ZHX1: variants seen among roughly 807,000 people sequenced by gnomAD.
ZHX1 encodes zinc fingers and homeoboxes 1, also known as zinc fingers and homeoboxes protein 1.
Under a neutral mutation model 61.8 loss-of-function variants are expected in ZHX1, and 20 were observed. The observed-to-expected ratio is 0.32, with a 90% CI of 0.23 to 0.47. The LOEUF is 0.47. ZHX1 is among the 20% of genes least tolerant of loss of function. The pLI, the probability that ZHX1 is intolerant of heterozygous loss-of-function variation, is 1.00. For synonymous variants in ZHX1, 318 were observed against 352.6 expected (o/e 0.90, Z 1.10); for missense variants, 800 against 1,034.8 (o/e 0.77, Z 3.11).
intron 2 of ZHX1, among the ~76,000 whole-genome samples, chr8:123,266,379 G>A (rs1476448388): frequency 6.6e-6 from 1 of 152,098 alleles, no homozygotes; most frequent in East Asian, 1.9e-4. Context: ...CCACTTCACT[G>A]AGGATATAAT....
intron 1 of ZHX1, among the ~76,000 whole-genome samples, chr8:123,268,105 C>T (rs1826523183): frequency 6.6e-6 from 1 of 151,980 alleles, no homozygotes; most frequent in Admixed American, 6.6e-5. Context: ...GTACATAAAC[C>T]TAGTGATATT....
chr8:123,251,558 C>A lies in ZHX1; in HGVS notation c.*4-1238G>T, dbSNP rs146790728. On this transcript the variant is annotated intron_variant, in intron 3 of 3. Transcript: ENST00000395571. ...TCACATTATTTTTGGAAGACTGCAA[C>A]TCCCCAAAAAAATCATTGCAGAGGT... Among the ~76,000 whole-genome samples the A allele has an allele frequency of 7.3e-3, 1,104 of 152,226 alleles. 8 individuals are homozygous for A. The highest frequency in any genetic ancestry group is 8.9e-3 in the Non-Finnish European group (605 of 68,026).
At position 123,254,892 on chromosome 8, in the gene ZHX1, C is replaced by T; in HGVS notation, c.1055G>A (p.Arg352Lys). 1 of 1,614,224 alleles carries T rather than the reference C, an allele frequency of 6.2e-7. No homozygotes were observed. Among genetic ancestry groups the T allele is most frequent in the Non-Finnish European group, 8.5e-7 (1 of 1,180,034 alleles). Residue 352 changes from arginine (R) to lysine (K), a missense_variant, in exon 3 of 4, where the codon AGA (arginine) becomes AAA (lysine). Arg to Lys is a conservative substitution (Grantham distance 26). Coordinates refer to ENST00000395571, the MANE Select transcript of ZHX1 (RefSeq NM_007222.5). The surrounding 1 kb of genome is among the most constrained non-coding windows in gnomAD (Gnocchi z 4.1). ...CACTGTTCCATTGAATTGTTTCCTT[C>T]TTGCCTCCTCTACTTCCTCGGGAGT... is the stretch of plus-strand genomic sequence containing the variant. ...SWTPEEVEEA[R>K]RKQFNGTVHT...
At position 123,254,028 on chromosome 8, in the gene ZHX1, G is replaced by A. The variant is rs754149126; in HGVS notation, c.1919C>T (p.Ser640Phe). ...MEIDESNAGS[S>F]KEEAGETSPA... ...AGAAGTTTCTCCAGCTTCTTCTTTG[G>A]AACTACCTGCATTACTTTCATCTAT... Residue 640 changes from serine to phenylalanine, a missense_variant, in exon 3 of 4, where the codon TCC becomes TTC. Transcript: ENST00000395571. This position sits in a 1 kb window ranked among gnomAD's most constrained non-coding sequence, Gnocchi z 4.1. The A allele has an allele frequency of 6.2e-7, 1 of 1,613,986 alleles. No homozygotes were observed.
At chr8:123,262,293 ATAATCT>A (rs1332306426) in intron 2 of ZHX1, among the ~76,000 whole-genome samples, 3 of 152,340 alleles carry the variant, frequency 2.0e-5, no homozygotes, top group East Asian at 3.9e-4. Flanking sequence ...ATTAAAATTG[ATAATCT>A]TAAGAGTAAT....
At chr8:123,273,699 C>CT (rs1826740274) in intron 1 of ZHX1, 1 of 152,682 alleles carries the variant, frequency 6.5e-6, no homozygotes, top group South Asian at 2.1e-4. Context: ...CTCAGGGAGA[C>CT]TGGGTCCCCC....
At chr8:123,253,232 A>T (rs1281655183) in intron 3 of ZHX1, 90 bp downstream of exon 3, 1 of 1,139,478 alleles carries the variant, frequency 8.8e-7, no homozygotes, top group Non-Finnish European at 1.2e-6. Context: ...GAAAATATCA[A>T]AAATGAAGAT....
intron 3 of ZHX1, among the ~76,000 whole-genome samples, chr8:123,251,597 T>A (rs993062553): frequency 6.6e-6 from 1 of 152,132 alleles, no homozygotes; most frequent in African/African-American, 2.4e-5. Context: ...AACAACAACA[T>A]TCACTGCAGC....
chr8:123,253,944 G>A lies in ZHX1; in HGVS notation c.2003C>T (p.Thr668Ile), dbSNP rs1422721247. 4 of 1,614,122 alleles carry A rather than the reference G, an allele frequency of 2.5e-6. No homozygotes were observed. Among genetic ancestry groups the A allele is most frequent in the Non-Finnish European group, 3.4e-6 (4 of 1,180,024 alleles). The change falls in exon 3 of 4, where the codon ACA (threonine) becomes ATA (isoleucine). Residue 668 changes from threonine (T) to isoleucine (I), a missense_variant. By Grantham distance (89) the Thr-to-Ile change is moderately conservative (BLOSUM62 -1). Coordinates refer to ENST00000395571, the MANE Select transcript of ZHX1 (RefSeq NM_007222.5). The part of the protein sequence containing the change: ...SGSTGKICKK[T>I]PEQLHMLKSA... ...CTTAAGCATGTGCAGCTGCTCAGGT[G>A]TTTTTTTACATATCTTGCCTGTACT...
chr8:123,273,480 C>G (rs1032941803), intron 1 of ZHX1, among the ~76,000 whole-genome samples: 17 of 152,178 alleles, frequency 1.1e-4, no homozygotes, highest in Admixed American at 3.3e-4. Context: ...TAATTAACTT[C>G]TCCCTAAATC....
intron 2 of ZHX1, among the ~76,000 whole-genome samples, chr8:123,263,738 G>A (rs560965938): frequency 1.4e-4 from 22 of 152,134 alleles, no homozygotes; most frequent in African/African-American, 5.3e-4. Flanking sequence ...GGAGACTGAG[G>A]CAGGAGAATC....
rs769191143 is a variant in ZHX1 at position 123,254,182 on chromosome 8, T to A, written c.1765A>T (p.Asn589Tyr). 4 of 1,614,188 alleles carry A rather than the reference T, an allele frequency of 2.5e-6. No homozygotes were observed. Among genetic ancestry groups the A allele is most frequent in the Non-Finnish European group, 2.5e-6 (3 of 1,180,016 alleles). ...TCTTCATCTGTAAGTACAGAGCTGTTGAGAAAACTTGCCTGAAGGACACGA... is the reference window on the plus strand; with the variant it reads ...TCTTCATCTGTAAGTACAGAGCTGTAGAGAAAACTTGCCTGAAGGACACGA... ...QLRVLQASFL[N>Y]SSVLTDEELN... The change falls in exon 3 of 4, where the codon AAC (asparagine) becomes TAC (tyrosine). Residue 589 changes from asparagine (N) to tyrosine (Y), a missense_variant. By Grantham distance (143) the Asn-to-Tyr change is moderately radical. Coordinates refer to ENST00000395571, the MANE Select transcript of ZHX1 (RefSeq NM_007222.5). This position sits in a 1 kb window ranked among gnomAD's most constrained non-coding sequence, Gnocchi z 4.1.
intron 2 of ZHX1, among the ~76,000 whole-genome samples, chr8:123,258,753 A>C (rs1826154501): frequency 6.6e-6 from 1 of 152,318 alleles, no homozygotes; most frequent in African/African-American, 2.4e-5. Flanking sequence ...ATCAAGAAAA[A>C]ATGAATTAGG....
intron 2 of ZHX1, among the ~76,000 whole-genome samples, chr8:123,260,315 C>T (rs1826207012): frequency 6.6e-6 from 1 of 151,966 alleles, no homozygotes. Flanking sequence ...TTGCTTAAAA[C>T]TTAAACATAT....
Position 123,271,175 on chromosome 8 carries a change from T to C in ZHX1, c.-340+3042A>G, listed in dbSNP as rs185542282. Reference sequence around the variant, plus strand: ...ACAATAAAATTTATCAATAATAGTATAGAAACATTGGCTCTTATTCTAAAG... The same window carrying C: ...ACAATAAAATTTATCAATAATAGTACAGAAACATTGGCTCTTATTCTAAAG... On this transcript the variant is annotated intron_variant, in intron 1 of 3. Transcript: ENST00000395571. Among the ~76,000 whole-genome samples the C allele has an allele frequency of 3.9e-3, 599 of 152,308 alleles. 1 individual carries two copies. The highest frequency in any genetic ancestry group is 0.01 in the Middle Eastern group (3 of 294).
At chr8:123,252,568 A>C (rs188164795) in intron 3 of ZHX1, 2 of 152,336 alleles carry the variant, frequency 1.3e-5, no homozygotes, top group African/African-American at 4.8e-5. Context: ...GTTTATATCA[A>C]ATCTGTTATT....
rs914636574 is a variant in ZHX1, at chr8:123,253,995, T to A, written c.1952A>T (p.Asp651Val). 6.2e-7 allele frequency: 1 copy of A among 1,614,056 alleles called. No individual in the cohort carries two copies. Reference sequence around the variant, plus strand: ...CCCTGACTTAGGTGCACCAGATTCATCTGCAGGAGAAGTTTCTCCAGCTTC... The same window carrying A: ...CCCTGACTTAGGTGCACCAGATTCAACTGCAGGAGAAGTTTCTCCAGCTTC... Reference protein sequence around the residue: ...KEEAGETSPADESGAPKSGST... With the variant: ...KEEAGETSPAVESGAPKSGST... Residue 651 changes from aspartate (D) to valine (V), a missense_variant, in exon 3 of 4, where the codon GAT becomes GTT. By Grantham distance (152) the Asp-to-Val change is radical. Transcript: ENST00000395571.
At chr8:123,262,897 C>T (rs1295793443) in intron 2 of ZHX1, 1 of 148,960 alleles carries the variant, frequency 6.7e-6, no homozygotes, top group Admixed American at 6.7e-5. Context: ...AGAAGATTAG[C>T]ATGGCCCTTG....
In ZHX1 at chr8:123,253,978, T is replaced by C. The variant is rs980672094; in HGVS notation, c.1969A>G (p.Lys657Glu). ...TSPADESGAP[K>E]SGSTGKICKK... ...CATATCTTGCCTGTACTCCCTGACT[T>C]AGGTGCACCAGATTCATCTGCAGGA... The change falls in exon 3 of 4, where the codon AAG becomes GAG. Residue 657 changes from lysine to glutamate, a missense_variant. By Grantham distance (56) the Lys-to-Glu change is moderately conservative. Coordinates refer to ENST00000395571, the MANE Select transcript of ZHX1 (RefSeq NM_007222.5). The C allele has an allele frequency of 8.7e-6, 14 of 1,614,198 alleles. No individual in the cohort carries two copies. Among genetic ancestry groups the C allele is most frequent in the Non-Finnish European group, 1.2e-5 (14 of 1,180,034 alleles).
Sources: allele counts gnomAD v4.1 joint callset (sites outside exome capture counted in the v4.1 genomes callset), GRCh38; gene constraint gnomAD v4.1.1; non-coding constraint Gnocchi (gnomAD v3.1); transcripts MANE v1.5; gene names NCBI Gene and HGNC (gene_info 2026-07-23, HGNC 2026-07-21).